TCL1A: variants seen among roughly 807,000 people sequenced by gnomAD.
TCL1A encodes the protein T-cell leukemia/lymphoma protein 1A.
TCL1A carries 9 observed loss-of-function variants against 16.9 expected under a neutral mutation model. The ratio of observed to expected loss-of-function variants is 0.53; its 90% CI spans 0.32 to 0.93. The LOEUF (loss-of-function observed/expected upper bound fraction) is 0.93, where lower values mean the gene tolerates loss of function less well. TCL1A is among the 40% of genes least tolerant of loss of function. TCL1A has a pLI of 0.04. For missense variants in TCL1A, 139 were observed against 153.0 expected (o/e 0.91, Z 0.48); for synonymous variants, 69 against 63.2 (o/e 1.09, Z -0.44).
intron 1 of TCL1A, chr14:95,712,883 T>G: frequency 3.2e-6 from 1 of 316,334 alleles, no homozygotes; most frequent in Non-Finnish European, 6.2e-6. Context: ...GGGTTATTTT[T>G]TGTGGAGCAT....
chr14:95,713,061 A>T (rs1886409846), intron 1 of TCL1A, among the ~76,000 whole-genome samples: 1 of 152,176 alleles, frequency 6.6e-6, no homozygotes, highest in African/African-American at 2.4e-5. Context: ...GTAAAAACAT[A>T]TTTAAAAAAT....
intron 3 of TCL1A, chr14:95,711,393 C>T (rs534614475): frequency 7.1e-5 from 12 of 167,974 alleles, no homozygotes; most frequent in Non-Finnish European, 1.3e-4. Context: ...GGTGTGAACC[C>T]GGGAGGCAGA....
chr14:95,712,706 C>A, intron 1 of TCL1A: 2 of 1,346,598 alleles, frequency 1.5e-6, no homozygotes, highest in Non-Finnish European at 1.9e-6. Flanking sequence ...CTTTGGAAGG[C>A]AGAGGCAGGA....
chr14:95,713,924 A>C (rs749370204), intron 1 of TCL1A, 23 bp downstream of exon 1: 2 of 1,612,114 alleles, frequency 1.2e-6, no homozygotes, highest in Middle Eastern at 1.6e-4. Flanking sequence ...CTGCCTCGCC[A>C]TCCGCTCCAA....
chr14:95,711,559 C>T (rs1274103414), intron 3 of TCL1A, 190 bp downstream of exon 3: 4 of 595,390 alleles, frequency 6.7e-6, no homozygotes, highest in South Asian at 6.6e-5. Context: ...AGGGGGCTGC[C>T]TACAAAGCCC....
rs536080594 is a variant in TCL1A, at chr14:95,711,791, C to T, written c.309G>A (p.Val103=). ...RLVYHIKIDG[V]EDMLLELLPD... is the part of the protein sequence containing the mutation. Reference sequence around the variant, plus strand: ...GCAGCAGCTCGAGAAGCATGTCCTCCACGCCGTCAATCTGAGAGGCAGAGA... The same window carrying T: ...GCAGCAGCTCGAGAAGCATGTCCTCTACGCCGTCAATCTGAGAGGCAGAGA... The change falls in exon 3 of 4, where the codon GTG becomes GTA. Residue 103 remains valine (V), a synonymous_variant. Transcript: ENST00000402399. 2 of 1,611,938 alleles carry T rather than the reference C, an allele frequency of 1.2e-6. No individual in the cohort carries two copies. Among genetic ancestry groups the T allele is most frequent in the South Asian group, 1.1e-5 (1 of 90,926 alleles).
rs781263317 is a variant in TCL1A at position 95,712,711 on chromosome 14, G to T, written c.121-315C>A. The T allele has an allele frequency of 6.0e-6, 8 of 1,342,132 alleles. 1 individual carries two copies. In the South Asian group the frequency reaches 7.4e-5, roughly 12 times the overall value. The allele number at this position is 1,342,132 out of a possible 1,614,324, so 83.1% of individuals were successfully genotyped here. A position where few individuals can be genotyped will look rare whatever the true frequency, so the allele number is the denominator to read the frequency against. On this transcript the variant is annotated intron_variant, in intron 1 of 3. Coordinates refer to ENST00000402399, the MANE Select transcript of TCL1A (RefSeq NM_021966.3). ...AATTCCAGTGCTTTGGAAGGCAGAG[G>T]CAGGAGGATCGCTTGAGGCCAGGAG...
intron 1 of TCL1A, 138 bp downstream of exon 1, chr14:95,713,809 G>A: frequency 2.2e-6 from 3 of 1,347,094 alleles, no homozygotes; most frequent in Non-Finnish European, 3.0e-6. Flanking sequence ...TCCAGAGCCC[G>A]GCTCAAAGTG....
At chr14:95,713,683 C>G (rs139445257) in intron 1 of TCL1A, among the ~76,000 whole-genome samples, 1 of 152,300 alleles carries the variant, frequency 6.6e-6, no homozygotes, top group African/African-American at 2.4e-5. Flanking sequence ...CCAGAAAATG[C>G]CTGCTGTAGT....
chr14:95,712,803 AAG>A (rs1336779994), intron 1 of TCL1A: 2 of 693,984 alleles, frequency 2.9e-6, no homozygotes, highest in African/African-American at 3.8e-5. Context: ...ACAACAAAGA[AAG>A]AAAGAGAGAA....
chr14:95,711,039 T>C (rs574942855), intron 3 of TCL1A, among the ~76,000 whole-genome samples, 158 bp from the exon 4 acceptor site: 1 of 152,336 alleles, frequency 6.6e-6, no homozygotes, highest in African/African-American at 2.4e-5. Flanking sequence ...CACCTGGGTC[T>C]GTAATCTGAA....
chr14:95,713,230 C>G (rs775422482), intron 1 of TCL1A, among the ~76,000 whole-genome samples: 1 of 152,188 alleles, frequency 6.6e-6, no homozygotes, highest in African/African-American at 2.4e-5. Context: ...TTGATTGCTA[C>G]TGGACATACG....
intron 1 of TCL1A, among the ~76,000 whole-genome samples, chr14:95,713,182 T>A: frequency 6.6e-6 from 1 of 152,178 alleles, no homozygotes; most frequent in Admixed American, 6.5e-5. Context: ...GTGCCTCAGT[T>A]TCCCATCTGT....
Position 95,712,202 on chromosome 14 carries a change from T to C in TCL1A, c.297+18A>G, listed in dbSNP as rs372316449. 20 of 1,613,974 alleles carry C rather than the reference T, an allele frequency of 1.2e-5. No individual in the cohort carries two copies. The highest frequency in any genetic ancestry group is 4.0e-5 in the African/African-American group (3 of 74,904). On this transcript the variant is annotated intron_variant, in intron 2 of 3. Coordinates refer to ENST00000402399, the MANE Select transcript of TCL1A (RefSeq NM_021966.3). ...AACCCAAGATCACCCGATGGACCTCTGGGAGAAAGACACTCACCTTGATGT... is the reference window on the plus strand; with the variant it reads ...AACCCAAGATCACCCGATGGACCTCCGGGAGAAAGACACTCACCTTGATGT...
chr14:95,713,659 T>A (rs1886454531), intron 1 of TCL1A, among the ~76,000 whole-genome samples: 1 of 152,340 alleles, frequency 6.6e-6, no homozygotes, highest in Middle Eastern at 3.4e-3. Context: ...TTTTAAGGAT[T>A]AGGACCCCGA....
intron 1 of TCL1A, 65 bp downstream of exon 1, chr14:95,713,882 A>T: frequency 6.3e-7 from 1 of 1,597,192 alleles, no homozygotes. Context: ...CGCCCTTCCT[A>T]GGGCATCCCA....
chr14:95,713,890 C>T lies in TCL1A; in HGVS notation c.120+57G>A, dbSNP rs1886481200. ...GAGTCCTCGCCCTTCCTAGGGCATC[C>T]CAAGCTCCCAGGGGCTGCCCCTGCT... On this transcript the variant is annotated intron_variant, in intron 1 of 3. Transcript: ENST00000402399. The T allele has an allele frequency of 3.1e-6, 5 of 1,601,734 alleles. No individual in the cohort carries two copies. In the South Asian group the frequency reaches 3.3e-5, roughly 11 times the overall value.
At chr14:95,711,684 G>A in intron 3 of TCL1A, 65 bp downstream of exon 3, 1 of 1,570,872 alleles carries the variant, frequency 6.4e-7, no homozygotes, top group Non-Finnish European at 8.7e-7. Context: ...CATGGAGAAG[G>A]GGTGGTCTTT....
rs145860355 is a variant in TCL1A, at chr14:95,712,349, G to A, written c.168C>T (p.Val56=). Residue 56 remains valine, a synonymous_variant, in exon 2 of 4, where the codon GTC becomes GTT. Transcript: ENST00000402399. The part of the protein sequence containing the change: ...QLRVLLRRED[V]VLGRPMTPTQ... ...TGGGGGTCATAGGCCTCCCCAGGACGACGTCTTCCCGACGCAAGAGCACCC... is the reference window on the plus strand; with the variant it reads ...TGGGGGTCATAGGCCTCCCCAGGACAACGTCTTCCCGACGCAAGAGCACCC... 1.5e-4 allele frequency: 248 copies of A among 1,613,726 alleles called. No homozygotes were observed. The African/African-American group carries it at 2.9e-3, about 19-fold the overall frequency.
Sources: allele counts gnomAD v4.1 joint callset (sites outside exome capture counted in the v4.1 genomes callset), GRCh38; gene constraint gnomAD v4.1.1; transcripts MANE v1.5; gene names NCBI Gene and HGNC (gene_info 2026-07-23, HGNC 2026-07-21).